DDX42: variants seen among roughly 807,000 people sequenced by gnomAD.
DDX42 encodes DEAD-box helicase 42.
Under a neutral mutation model 101.5 loss-of-function variants are expected in DDX42, and 22 were observed. The ratio of observed to expected loss-of-function variants is 0.22; its 90% confidence interval spans 0.15 to 0.31. DDX42 has a LOEUF of 0.31. Ranked by LOEUF, DDX42 falls within the 10% of genes least tolerant of loss-of-function variation. DDX42 has a pLI of 1.00. For missense variants in DDX42, 849 were observed against 1,199.9 expected (o/e 0.71, Z 4.32); for synonymous variants, 402 against 401.2 (o/e 1.00, Z -0.02).
intron 3 of DDX42, among the ~76,000 whole-genome samples, chr17:63,794,935 TA>T (rs11352891): frequency 0.35 from 46,794 of 133,220 alleles, 7,780 homozygotes; most frequent in South Asian, 0.58. Flanking sequence ...GACTCCATCT[TA>T]AAAAAAAAAA....
chr17:63,781,248 C>T (rs1490262241), intron 1 of DDX42, among the ~76,000 whole-genome samples: 2 of 152,078 alleles, frequency 1.3e-5, no homozygotes, highest in African/African-American at 4.8e-5. Context: ...GACAGAGTCT[C>T]GCACTCTCGC....
chr17:63,809,072 C>A, intron 10 of DDX42, 124 bp downstream of exon 10: 1 of 1,357,680 alleles, frequency 7.4e-7, no homozygotes, highest in Non-Finnish European at 1.0e-6. Context: ...TGATGAACGG[C>A]AGGCTGTGGT....
chr17:63,785,602 T>TA (rs35420075), intron 1 of DDX42, among the ~76,000 whole-genome samples: 3,386 of 140,136 alleles, frequency 0.024, 72 homozygotes, highest in African/African-American at 0.061. Flanking sequence ...CCCTGTTCCT[T>TA]AAAAAAAAAA....
intron 6 of DDX42, 60 bp from the exon 7 acceptor site, chr17:63,805,011 A>G: frequency 6.5e-7 from 1 of 1,544,594 alleles, no homozygotes; most frequent in Non-Finnish European, 8.7e-7. Flanking sequence ...TTGCAATAAA[A>G]TCAAACTTAC....
chr17:63,807,867 G>C lies in DDX42; in HGVS notation c.990G>C (p.Val330=), dbSNP rs1188111928. The part of the protein sequence containing the change: ...ELEPGDGPIA[V]IVCPTRELCQ... ...AACCAGGTGATGGACCAATTGCAGT[G>C]ATTGTGTGTCCTACCAGGGAGCTTT... Residue 330 remains valine (V), a synonymous_variant, in exon 9 of 18, where the codon GTG becomes GTC. Coordinates refer to ENST00000389924, the MANE Select transcript of DDX42 (RefSeq NM_203499.3). The C allele has an allele frequency of 6.2e-7, 1 of 1,613,914 alleles. No individual in the cohort carries two copies. The highest frequency in any genetic ancestry group is 1.7e-5 in the Admixed American group (1 of 59,986).
At chr17:63,804,529 T>C (rs1442424309) in intron 6 of DDX42, among the ~76,000 whole-genome samples, 1 of 152,242 alleles carries the variant, frequency 6.6e-6, no homozygotes, top group Admixed American at 6.5e-5. Flanking sequence ...TTTAAATGCT[T>C]AGAGCTAGGT....
intron 2 of DDX42, among the ~76,000 whole-genome samples, chr17:63,791,387 C>T (rs928047621): frequency 2.0e-5 from 3 of 152,184 alleles, no homozygotes; most frequent in Admixed American, 6.6e-5. Flanking sequence ...TCTCAGTTCA[C>T]TGCAACCTCC....
Position 63,774,228 on chromosome 17 carries a change from CGGCG to C in DDX42, c.-163_-160del. 1 of 234,506 alleles carries C rather than the reference CGGCG, an allele frequency of 4.3e-6. No individual in the cohort carries two copies. Among genetic ancestry groups the C allele is most frequent in the South Asian group, 9.9e-5 (1 of 10,056 alleles). 14.5% of individuals were successfully genotyped at this position (234,506 alleles called of 1,614,324 possible). On this transcript the variant is annotated 5_prime_UTR_variant, in exon 1 of 18. Transcript: ENST00000389924. ...GCGGTGGCGGTGGTGGCGGTGGCGG[CGGCG>C]GTGGTGGTGGTGGCGGCGGCGGCGG...
intron 16 of DDX42, chr17:63,815,906 G>A (rs2039971641): frequency 1.2e-5 from 3 of 249,804 alleles, no homozygotes; most frequent in Non-Finnish European, 2.3e-5. Flanking sequence ...AATTATTCTA[G>A]ATTAGCAGTG....
At chr17:63,810,251 A>ATTTTTT (rs11450730) in intron 11 of DDX42, 2 of 121,232 alleles carry the variant, frequency 1.6e-5, no homozygotes, top group Non-Finnish European at 1.6e-5. Flanking sequence ...CAGCCTGGCT[A>ATTTTTT]TTTTTTTTTT....
At chr17:63,814,971 G>A (rs546920101) in intron 15 of DDX42, among the ~76,000 whole-genome samples, 1 of 152,210 alleles carries the variant, frequency 6.6e-6, no homozygotes, top group African/African-American at 2.4e-5. Flanking sequence ...TCATAGGCGT[G>A]AGCCACCGCC....
Position 63,787,142 on chromosome 17 carries a change from C to T in DDX42, c.93C>T (p.Leu31=). Residue 31 remains leucine, a synonymous_variant, in exon 2 of 18, where the codon CTC becomes CTT. Transcript: ENST00000389924. The part of the protein sequence containing the change: ...ISAGKKEEPK[L]PQQSHSAFGA... ...CTGGGAAAAAGGAGGAACCCAAACT[C>T]CCACAGCAGTCCCACAGTGCCTTTG... The T allele has an allele frequency of 6.2e-7, 1 of 1,614,178 alleles. No individual in the cohort carries two copies. The highest frequency in any genetic ancestry group is 8.5e-7 in the Non-Finnish European group (1 of 1,180,040).
intron 1 of DDX42, chr17:63,776,389 G>A (rs771566616): frequency 6.6e-6 from 1 of 152,336 alleles, no homozygotes; most frequent in Non-Finnish European, 1.5e-5. Context: ...ACTCTGTTAT[G>A]ACACTTGCCC....
intron 2 of DDX42, among the ~76,000 whole-genome samples, chr17:63,791,637 T>G (rs2039629062): frequency 6.6e-6 from 1 of 152,042 alleles, no homozygotes; most frequent in Non-Finnish European, 1.5e-5. Context: ...ATTCCGGAAG[T>G]TTTCTGTTGG....
intron 2 of DDX42, among the ~76,000 whole-genome samples, chr17:63,788,881 T>G (rs904733304): frequency 1.3e-5 from 2 of 151,986 alleles, no homozygotes; most frequent in African/African-American, 4.8e-5. Flanking sequence ...CTTGAGGTTT[T>G]TTTTGTTTTG....
Position 63,774,228 on chromosome 17 carries a change from C to T in DDX42, c.-165C>T, listed in dbSNP as rs9913551. The T allele has an allele frequency of 0.31, 71,407 of 233,224 alleles. 15,701 individuals carry two copies. The highest frequency in any genetic ancestry group is 0.65 in the African/African-American group (22,173 of 34,248). The allele number at this position is 233,224 out of a possible 1,614,324, so 14.4% of individuals were successfully genotyped here. On this transcript the variant is annotated 5_prime_UTR_variant, in exon 1 of 18. Coordinates refer to ENST00000389924, the MANE Select transcript of DDX42 (RefSeq NM_203499.3). ...GCGGTGGCGGTGGTGGCGGTGGCGG[C>T]GGCGGTGGTGGTGGTGGCGGCGGCG...
At chr17:63,786,337 C>T (rs539140471) in intron 1 of DDX42, among the ~76,000 whole-genome samples, 3 of 151,142 alleles carry the variant, frequency 2.0e-5, no homozygotes, top group Middle Eastern at 3.4e-3. Context: ...TAACCTTGAA[C>T]TCCTGGGCTC....
intron 10 of DDX42, 115 bp from the exon 11 acceptor site, chr17:63,809,445 T>C: frequency 2.7e-6 from 2 of 751,856 alleles, no homozygotes; most frequent in South Asian, 3.4e-5. Context: ...GTTGGACCAG[T>C]ATCTATTACA....
At chr17:63,793,182 A>G (rs559343007) in intron 3 of DDX42, among the ~76,000 whole-genome samples, 1 of 152,240 alleles carries the variant, frequency 6.6e-6, no homozygotes, top group South Asian at 2.1e-4. Context: ...CAACTTTATT[A>G]GTTAACAACT....
Sources: gnomAD v4.1 joint callset for allele counts (sites outside exome capture counted in the v4.1 genomes callset) on GRCh38, gnomAD v4.1.1 for gene constraint, MANE v1.5 for transcripts, NCBI Gene and HGNC (gene_info 2026-07-23, HGNC 2026-07-21) for gene names.